Variants in RNF20 observed in about 807,000 individuals in gnomAD.
RNF20 encodes E3 ubiquitin-protein ligase BRE1A.
In RNF20, 84 loss-of-function variants were observed where a neutral mutation model predicts 126.2. The ratio of observed to expected loss-of-function variants is 0.67; its 90% confidence interval spans 0.56 to 0.80. The LOEUF is 0.80. Ranked by LOEUF, RNF20 falls within the 30% of genes least tolerant of loss-of-function variation. RNF20 has a pLI of 0.00. For synonymous variants in RNF20, 400 were observed against 414.3 expected, an observed-to-expected ratio of 0.97 and a Z score of 0.42; for missense variants, 869 against 1,188.2, an observed-to-expected ratio of 0.73 and a Z score of 3.95.
chr9:101,558,967 C>G (rs978907011), intron 16 of RNF20, among the ~76,000 whole-genome samples: 2 of 152,168 alleles, frequency 1.3e-5, no homozygotes, highest in African/African-American at 4.8e-5. Flanking sequence ...GTCATGAAGT[C>G]TTTGCCTAAG....
chr9:101,541,777 G>C lies in RNF20; in HGVS notation c.628+802G>C, dbSNP rs1031975288. The stretch of plus-strand genomic sequence containing the variant: ...GTTGGTGCAGGTTTTAGAGTTGACA[G>C]ATGATCTGTATGGTTAAAAGGATTA... On this transcript the variant is annotated intron_variant, in intron 5 of 19. Transcript: ENST00000389120. Among the ~76,000 whole-genome samples, 5 of 152,270 alleles carry C rather than the reference G, an allele frequency of 3.3e-5. No homozygotes were observed. In the East Asian group the frequency reaches 9.6e-4, roughly 29 times the overall value.
Position 101,552,626 on chromosome 9 carries a change from C to A in RNF20, c.1774C>A (p.Arg592=). 2 of 1,528,932 alleles carry A rather than the reference C, an allele frequency of 1.3e-6. No individual in the cohort carries two copies. Among genetic ancestry groups the A allele is most frequent in the Non-Finnish European group, 1.8e-6 (2 of 1,102,902 alleles). The allele number at this position is 1,528,932 out of a possible 1,614,324, so 94.7% of individuals were successfully genotyped here. A position where few individuals can be genotyped will look rare whatever the true frequency, so the allele number is the denominator to read the frequency against. ...REREKEKERE[R]EKQKLKESEK... is the part of the protein sequence containing the mutation. ...ACGGGAGAAGGAGAAGGAGAGAGAA[C>A]GAGAGAAGCAGAAGCTAAAAGAGTC... The change falls in exon 13 of 20, where the codon CGA becomes AGA. Residue 592 remains arginine, a synonymous_variant. Coordinates refer to ENST00000389120, the MANE Select transcript of RNF20 (RefSeq NM_019592.7).
At chr9:101,547,744 A>G (rs565195746) in intron 9 of RNF20, among the ~76,000 whole-genome samples, 1 of 152,348 alleles carries the variant, frequency 6.6e-6, no homozygotes, top group South Asian at 2.1e-4. Context: ...CCCAATGGCG[A>G]AAAGTTGAAA....
At chr9:101,537,208 T>C (rs934864274) in intron 2 of RNF20, among the ~76,000 whole-genome samples, 34 of 152,224 alleles carry the variant, frequency 2.2e-4, no homozygotes, top group African/African-American at 7.7e-4. Flanking sequence ...TAGGAGGCCT[T>C]TGCAGTAATC....
chr9:101,535,159 G>T (rs1827162820), intron 1 of RNF20, among the ~76,000 whole-genome samples: 2 of 151,704 alleles, frequency 1.3e-5, no homozygotes, highest in Admixed American at 1.3e-4. Context: ...CGCCCGCCTC[G>T]GCCTCCCAAA....
rs1827250163 is a variant in RNF20 at position 101,540,874 on chromosome 9, A to T, written c.527A>T (p.Glu176Val). 1 of 1,613,898 alleles carries T rather than the reference A, an allele frequency of 6.2e-7. No homozygotes were observed. Among genetic ancestry groups the T allele is most frequent in the Admixed American group, 1.7e-5 (1 of 59,992 alleles). Residue 176 changes from glutamate to valine, a missense_variant, in exon 5 of 20, where the codon GAA becomes GTA. Glu to Val is a moderately radical substitution (Grantham distance 121). Transcript: ENST00000389120. Reference protein sequence around the residue: ...SSEEMESQLQERVESSRRAVS... With the variant: ...SSEEMESQLQVRVESSRRAVS... ...GAAGAGATGGAGTCTCAGCTGCAGG[A>T]ACGTGTGGAGTCTTCCCGCCGAGCC...
Position 101,562,327 on chromosome 9 carries a change from T to C in RNF20, c.2833T>C (p.Cys945Arg). The change falls in exon 20 of 20, where the codon TGT becomes CGT. Residue 945 changes from cysteine (C) to arginine (R), a missense_variant. By Grantham distance (180) the Cys-to-Arg change is radical. This residue lies in a region of RNF20 where 36 missense variants were observed against 85.6 expected (regional missense o/e 0.42). Transcript: ENST00000389120. ...GTGTTTTCATGTCTTCTGCTTTGAG[T>C]GTGTGAAGACACGCTATGACACCCG... The part of the protein sequence containing the change: ...TKCFHVFCFE[C>R]VKTRYDTRQR... 6.2e-7 allele frequency: 1 copy of C among 1,614,020 alleles called. No individual in the cohort carries two copies. The highest frequency in any genetic ancestry group is 8.5e-7 in the Non-Finnish European group (1 of 1,179,928).
intron 3 of RNF20, 53 bp downstream of exon 3, chr9:101,540,423 T>G (rs994216245): frequency 3.7e-6 from 6 of 1,611,698 alleles, no homozygotes; most frequent in Middle Eastern, 1.6e-4. Flanking sequence ...TTAGTTCTCC[T>G]TACTGTTCTC....
chr9:101,552,471 C>A lies in RNF20; in HGVS notation c.1619C>A (p.Ser540Tyr). 1 of 1,613,798 alleles carries A rather than the reference C, an allele frequency of 6.2e-7. No homozygotes were observed. Among genetic ancestry groups the A allele is most frequent in the Non-Finnish European group, 8.5e-7 (1 of 1,179,702 alleles). Residue 540 changes from serine to tyrosine, a missense_variant, in exon 13 of 20, where the codon TCT becomes TAT. This residue lies in a region of RNF20 where 231 missense variants were observed against 263.6 expected (regional missense o/e 0.88). Transcript: ENST00000389120. ...KDEPAELKPD[S>Y]EDLSSQSSAS... ...GAGCCTGCGGAGCTAAAACCAGATTCTGAGGACTTATCCTCCCAGTCCTCA... is the reference window on the plus strand; with the variant it reads ...GAGCCTGCGGAGCTAAAACCAGATTATGAGGACTTATCCTCCCAGTCCTCA...
Position 101,535,315 on chromosome 9 carries a change from T to A in RNF20, c.-26-83T>A. ...CAGGTTAAAGGGTTGGCCAGAAAAG[T>A]TGCTAGTTTTTACTCTATTGTTTTA... On this transcript the variant is annotated intron_variant, in intron 1 of 19. Coordinates refer to ENST00000389120, the MANE Select transcript of RNF20 (RefSeq NM_019592.7). 3.9e-6 allele frequency: 4 copies of A among 1,033,936 alleles called. No homozygotes were observed. In the South Asian group the frequency reaches 7.0e-5, roughly 18 times the overall value. The allele number at this position is 1,033,936 out of a possible 1,614,324, so 64.0% of individuals were successfully genotyped here. A position where few individuals can be genotyped will look rare whatever the true frequency, so the allele number is the denominator to read the frequency against.
intron 16 of RNF20, among the ~76,000 whole-genome samples, chr9:101,558,980 A>G (rs1431231857): frequency 5.9e-5 from 9 of 152,130 alleles, no homozygotes; most frequent in Non-Finnish European, 1.0e-4. Flanking sequence ...TGCCTAAGCC[A>G]TTGTCTAGAA....
Position 101,547,530 on chromosome 9 carries a change from T to TG in RNF20, c.1092+12_1092+13insG, listed in dbSNP as rs1827372113. On this transcript the variant is annotated intron_variant, in intron 9 of 19. Transcript: ENST00000389120. ...ATGAAAAGCTGAAGGTAGGAACGCA[T>TG]CCCTGAAGGGCAGTAAAATCAGACG... is the stretch of plus-strand genomic sequence containing the variant. The TG allele has an allele frequency of 6.2e-7, 1 of 1,613,542 alleles. No homozygotes were observed. Among genetic ancestry groups the TG allele is most frequent in the African/African-American group, 1.3e-5 (1 of 74,892 alleles).
chr9:101,560,959 CAGTGGAACAAATAAGTAT>C (rs1339755816), intron 17 of RNF20, 33 bp downstream of exon 17: 2 of 1,604,210 alleles, frequency 1.2e-6, no homozygotes, highest in Non-Finnish European at 1.7e-6. Flanking sequence ...TGGTTAGTCT[CAGTGGAACAAATAAGTAT>C]AACACTGTTG....
At chr9:101,548,694 T>A (rs1416405204) in intron 9 of RNF20, among the ~76,000 whole-genome samples, 1 of 152,232 alleles carries the variant, frequency 6.6e-6, no homozygotes, top group Non-Finnish European at 1.5e-5. Flanking sequence ...ACTTATTATA[T>A]GTACTCTGCC....
At chr9:101,550,066 G>A (rs1174105230) in intron 9 of RNF20, among the ~76,000 whole-genome samples, 1 of 152,156 alleles carries the variant, frequency 6.6e-6, no homozygotes, top group South Asian at 2.1e-4. Context: ...CTCCTCTTTC[G>A]ATCATAGTCA....
intron 16 of RNF20, among the ~76,000 whole-genome samples, chr9:101,558,847 G>A (rs993948314): frequency 6.6e-6 from 1 of 152,036 alleles, no homozygotes; most frequent in Non-Finnish European, 1.5e-5. Flanking sequence ...CACTCTATGG[G>A]TTGTCTGTTT....
In RNF20 at chr9:101,552,708, G is replaced by A. The variant is rs760524787; in HGVS notation, c.1856G>A (p.Arg619Gln). The change falls in exon 13 of 20, where the codon CGG becomes CAG. Residue 619 changes from arginine (R) to glutamine (Q), a missense_variant. Coordinates refer to ENST00000389120, the MANE Select transcript of RNF20 (RefSeq NM_019592.7). ...GAGAAAGGCAAACATGATGATGGACGGAAAAAGGAAGCAGAAATTATCAAA... is the reference window on the plus strand; with the variant it reads ...GAGAAAGGCAAACATGATGATGGACAGAAAAAGGAAGCAGAAATTATCAAA... ...DKEKGKHDDG[R>Q]KKEAEIIKQL... 23 of 1,593,556 alleles carry A rather than the reference G, an allele frequency of 1.4e-5. No individual in the cohort carries two copies. Among genetic ancestry groups the A allele is most frequent in the Non-Finnish European group, 2.0e-5 (23 of 1,163,964 alleles).
intron 15 of RNF20, among the ~76,000 whole-genome samples, chr9:101,555,883 C>G (rs1460214821): frequency 2.0e-5 from 3 of 151,534 alleles, no homozygotes; most frequent in Admixed American, 6.6e-5. Flanking sequence ...TGCTGGAACC[C>G]AGGAGTGGAG....
chr9:101,535,058 C>A (rs1306200317), intron 1 of RNF20, among the ~76,000 whole-genome samples: 2 of 151,954 alleles, frequency 1.3e-5, no homozygotes, highest in Admixed American at 1.3e-4. Context: ...CCGGCGCCCG[C>A]CACCACGCCT....
Sources: allele counts gnomAD v4.1 joint callset (sites outside exome capture counted in the v4.1 genomes callset), GRCh38; gene constraint gnomAD v4.1.1; regional missense constraint gnomAD v4.1.1; transcripts MANE v1.5; gene names NCBI Gene and HGNC (gene_info 2026-07-23, HGNC 2026-07-21).